The following MECOM variants were observed in gnomAD, a reference collection of about 807,000 sequenced individuals.
The protein encoded by MECOM is histone-lysine N-methyltransferase MECOM.
Under a neutral mutation model 116.3 loss-of-function variants are expected in MECOM, and 13 were observed. The observed-to-expected ratio is 0.11, with a 90% CI of 0.07 to 0.18. The LOEUF is 0.18. Among genes scored for constraint, MECOM ranks in the 10% least tolerant of loss-of-function variants. The probability of loss-of-function intolerance (pLI) is 1.00; values close to 1 mark genes in which losing one functional copy is unlikely to be tolerated. For missense variants in MECOM, 1,299 were observed against 1,509.0 expected, an observed-to-expected ratio of 0.86 and a Z score of 2.31; for synonymous variants, 528 against 535.2, an observed-to-expected ratio of 0.99 and a Z score of 0.19.
chr3:169,181,084 G>A (rs886414028), intron 2 of MECOM, among the ~76,000 whole-genome samples: 2 of 151,924 alleles, frequency 1.3e-5, no homozygotes, highest in African/African-American at 2.4e-5. Flanking sequence ...AACCTGTGAG[G>A]TACATACTAT....
At chr3:169,503,677 T>C (rs963823962) in intron 1 of MECOM, among the ~76,000 whole-genome samples, 4 of 152,286 alleles carry the variant, frequency 2.6e-5, no homozygotes, top group Middle Eastern at 3.4e-3. Flanking sequence ...TAGCCCACCC[T>C]TTACAAACAC....
intron 1 of MECOM, among the ~76,000 whole-genome samples, chr3:169,486,435 T>G (rs1442526652): frequency 6.6e-6 from 1 of 152,060 alleles, no homozygotes; most frequent in Non-Finnish European, 1.5e-5. Flanking sequence ...CTCAGATCTT[T>G]CCAAGTATTT....
intron 1 of MECOM, among the ~76,000 whole-genome samples, chr3:169,456,197 C>T (rs371443291): frequency 3.9e-5 from 6 of 152,296 alleles, no homozygotes; most frequent in African/African-American, 1.4e-4. Flanking sequence ...CTGTGACCCA[C>T]CACTACATGA....
At chr3:169,488,994 T>G (rs961705594) in intron 1 of MECOM, among the ~76,000 whole-genome samples, 3 of 151,970 alleles carry the variant, frequency 2.0e-5, no homozygotes, top group Non-Finnish European at 4.4e-5. Context: ...AATTTTGGCA[T>G]CTGAATTAAT....
intron 1 of MECOM, among the ~76,000 whole-genome samples, chr3:169,510,397 C>T (rs898789514): frequency 6.6e-6 from 1 of 152,238 alleles, no homozygotes; most frequent in Non-Finnish European, 1.5e-5. Flanking sequence ...AGAGGAAACA[C>T]TTGCCCTCCC....
chr3:169,306,779 A>G (rs1277819280), intron 2 of MECOM, among the ~76,000 whole-genome samples: 4 of 152,140 alleles, frequency 2.6e-5, no homozygotes, highest in Admixed American at 6.5e-5. Context: ...ATGGCTGTAT[A>G]TGTCTGTCAT....
chr3:169,102,940 G>T (rs191040240), intron 10 of MECOM, among the ~76,000 whole-genome samples: 3 of 151,710 alleles, frequency 2.0e-5, no homozygotes, highest in African/African-American at 7.3e-5. Context: ...TTGTAAGACA[G>T]GGGGAGCAGT....
At chr3:169,364,773 T>C (rs905093287) in intron 2 of MECOM, among the ~76,000 whole-genome samples, 1 of 151,910 alleles carries the variant, frequency 6.6e-6, no homozygotes, top group African/African-American at 2.4e-5. Flanking sequence ...CACTCAAAAT[T>C]GATGATGAAA....
At chr3:169,294,154 GT>G (rs1007018245) in intron 2 of MECOM, among the ~76,000 whole-genome samples, 9 of 151,164 alleles carry the variant, frequency 6.0e-5, no homozygotes, top group South Asian at 4.2e-4. Flanking sequence ...TGATTAGTGA[GT>G]TTTTTTTTAA....
At chr3:169,256,042 TA>T (rs1429875010) in intron 2 of MECOM, among the ~76,000 whole-genome samples, 4 of 152,216 alleles carry the variant, frequency 2.6e-5, no homozygotes, top group African/African-American at 9.6e-5. Context: ...TAACCTATTT[TA>T]AATATTCATT....
At chr3:169,423,314 C>T (rs1451491420) in intron 1 of MECOM, among the ~76,000 whole-genome samples, 2 of 151,882 alleles carry the variant, frequency 1.3e-5, no homozygotes, top group Non-Finnish European at 2.9e-5. Flanking sequence ...TGGTACTTTG[C>T]ATAAGCCAAT....
At chr3:169,593,795 C>A (rs1766725911) in intron 1 of MECOM, among the ~76,000 whole-genome samples, 1 of 152,084 alleles carries the variant, frequency 6.6e-6, no homozygotes, top group Non-Finnish European at 1.5e-5. Flanking sequence ...ACCAAGTGGT[C>A]CAATTTCATT....
chr3:169,116,832 T>C (rs1729314887), intron 7 of MECOM, 93 bp from the exon 8 acceptor site: 3 of 1,462,100 alleles, frequency 2.1e-6, no homozygotes, highest in Non-Finnish European at 2.7e-6. Context: ...AAATTTCAAT[T>C]AGGAAGCCAG....
chr3:169,548,966 T>C (rs1761046673), intron 1 of MECOM, among the ~76,000 whole-genome samples: 1 of 141,758 alleles, frequency 7.1e-6, no homozygotes, highest in African/African-American at 2.7e-5. Context: ...CTGACATTTG[T>C]CTCTCTTTTT....
chr3:169,297,785 T>C (rs1017681188), intron 2 of MECOM, among the ~76,000 whole-genome samples: 1 of 152,224 alleles, frequency 6.6e-6, no homozygotes, highest in East Asian at 1.9e-4. Context: ...ATTAAATTCT[T>C]CCTCATGGCA....
intron 2 of MECOM, among the ~76,000 whole-genome samples, chr3:169,211,587 C>G (rs963424982): frequency 6.6e-6 from 1 of 152,130 alleles, no homozygotes; most frequent in African/African-American, 2.4e-5. Flanking sequence ...CTCAAACTTT[C>G]TAATTTGCTT....
At chr3:169,382,861 A>AT (rs1040176835) in intron 1 of MECOM, among the ~76,000 whole-genome samples, 9 of 86,480 alleles carry the variant, frequency 1.0e-4, no homozygotes, top group African/African-American at 2.9e-4. Flanking sequence ...AAAAAAAAAA[A>AT]AAATAAAAAA....
chr3:169,354,785 T>C (rs969280547), intron 2 of MECOM, among the ~76,000 whole-genome samples: 1 of 150,832 alleles, frequency 6.6e-6, no homozygotes, highest in African/African-American at 2.5e-5. Flanking sequence ...TGTTCAGTTT[T>C]TCCCCCCCTT....
intron 3 of MECOM, chr3:169,132,025 A>G: frequency 1.1e-6 from 1 of 950,178 alleles, no homozygotes; most frequent in Middle Eastern, 5.4e-4. Context: ...GACATGACAT[A>G]AAGGATCATG....
Sources: gnomAD v4.1 joint callset for allele counts (sites outside exome capture counted in the v4.1 genomes callset) on GRCh38, gnomAD v4.1.1 for gene constraint, MANE v1.5 for transcripts, NCBI Gene and HGNC (gene_info 2026-07-23, HGNC 2026-07-21) for gene names.